The following NHSL1 variants were observed in gnomAD, a reference collection of about 807,000 sequenced individuals.
NHSL1 encodes NHS like 1.
A neutral mutation model predicts 95.0 loss-of-function variants in NHSL1; 48 were observed. That is an observed-to-expected ratio of 0.51 (90% confidence interval 0.40 to 0.64). NHSL1 has a LOEUF of 0.64. Ranked by LOEUF, NHSL1 falls within the 30% of genes least tolerant of loss-of-function variation. The probability of loss-of-function intolerance (pLI) is 0.00; values close to 1 mark genes in which losing one functional copy is unlikely to be tolerated. For missense variants in NHSL1, 1,971 were observed against 2,077.7 expected (o/e 0.95, Z 1.00); for synonymous variants, 783 against 833.9 (o/e 0.94, Z 1.05).
intron 1 of NHSL1, among the ~76,000 whole-genome samples, chr6:138,560,370 G>A (rs984825709): frequency 2.0e-5 from 3 of 152,114 alleles, no homozygotes; most frequent in Non-Finnish European, 2.9e-5. Flanking sequence ...AATGAGACAC[G>A]GTGGCTTAAA....
At chr6:138,656,698 G>A (rs574160419) in intron 1 of NHSL1, among the ~76,000 whole-genome samples, 3 of 152,272 alleles carry the variant, frequency 2.0e-5, no homozygotes, top group South Asian at 2.1e-4. Flanking sequence ...GGTTGTCCTC[G>A]TAGGATAATT....
rs1314180687 is a variant in NHSL1 at position 138,442,080 on chromosome 6, C to G, written c.567G>C (p.Arg189=). The part of the protein sequence containing the change: ...ENFDRQASLR[R]SLIYTDTLVR... ...CCAGAGTGTCTGTGTAAATTAGAGACCGCCGAAGGCTGGCCTGGCGATCGA... is the reference window on the plus strand; with the variant it reads ...CCAGAGTGTCTGTGTAAATTAGAGAGCGCCGAAGGCTGGCCTGGCGATCGA... Residue 189 remains arginine (R), a synonymous_variant, in exon 5 of 8, where the codon CGG becomes CGC. Transcript: ENST00000343505. The G allele has an allele frequency of 3.2e-6, 5 of 1,550,868 alleles. No individual in the cohort carries two copies. The highest frequency in any genetic ancestry group is 4.4e-6 in the Non-Finnish European group (5 of 1,146,726).
rs764922261 is a variant in NHSL1, at chr6:138,432,721, A to G, written c.1624T>C (p.Ser542Pro). The G allele has an allele frequency of 2.3e-5, 36 of 1,551,472 alleles. No individual in the cohort carries two copies. The highest frequency in any genetic ancestry group is 3.1e-5 in the Non-Finnish European group (35 of 1,146,948). ...GAGCTGCTGTGCCCTCCGCCCCCTG[A>G]ATAACTAGATTCACTCTTGCCATCC... Reference protein sequence around the residue: ...DVDGKSESSYSGGGGHSSSEP... With the variant: ...DVDGKSESSYPGGGGHSSSEP... Residue 542 changes from serine to proline, a missense_variant, in exon 6 of 8, where the codon TCA becomes CCA. By Grantham distance (74) the Ser-to-Pro change is moderately conservative. Around this residue, in one of 3 missense-constraint regions of NHSL1, gnomAD observed 1,602 missense variants for 1,654.5 expected, o/e 0.97. Coordinates refer to ENST00000343505, the MANE Select transcript of NHSL1 (RefSeq NM_001144060.2). The surrounding 1 kb of genome is among the most constrained non-coding windows in gnomAD (Gnocchi z 4.4).
At chr6:138,440,538 C>A (rs765539965) in intron 5 of NHSL1, among the ~76,000 whole-genome samples, 2 of 151,836 alleles carry the variant, frequency 1.3e-5, no homozygotes, top group Admixed American at 6.5e-5. Flanking sequence ...CACCTGTATA[C>A]CATCTGGGTC....
At chr6:138,564,977 A>T (rs1783554760) in intron 1 of NHSL1, among the ~76,000 whole-genome samples, 2 of 152,184 alleles carry the variant, frequency 1.3e-5, no homozygotes, top group Admixed American at 1.3e-4. Flanking sequence ...ATGAGTCTGT[A>T]TGCTAGTTCT....
chr6:138,558,488 A>G (rs1422268395), intron 1 of NHSL1, among the ~76,000 whole-genome samples: 4 of 144,674 alleles, frequency 2.8e-5, no homozygotes, highest in Admixed American at 2.1e-4. Context: ...CAGTGGCACA[A>G]TCTCAGCTCA....
intron 1 of NHSL1, among the ~76,000 whole-genome samples, chr6:138,593,479 G>A (rs957221291): frequency 6.6e-6 from 1 of 152,210 alleles, no homozygotes; most frequent in Non-Finnish European, 1.5e-5. Context: ...ACGCACTTAG[G>A]AATTATGACT....
At chr6:138,502,078 G>C (rs1231461023), upstream of NHSL1, among the ~76,000 whole-genome samples, 2 of 152,118 alleles carry the variant, frequency 1.3e-5, no homozygotes, top group African/African-American at 2.4e-5. Flanking sequence ...TGGTAAACCT[G>C]GGGGAGAATG....
chr6:138,647,366 TC>T (rs1785033092), intron 1 of NHSL1, among the ~76,000 whole-genome samples: 1 of 152,228 alleles, frequency 6.6e-6, no homozygotes, highest in Non-Finnish European at 1.5e-5. Context: ...ATCAGATCTG[TC>T]TACAAAACAA....
intron 1 of NHSL1, among the ~76,000 whole-genome samples, chr6:138,658,246 C>T (rs1342248384): frequency 6.6e-6 from 1 of 152,214 alleles, no homozygotes; most frequent in Non-Finnish European, 1.5e-5. Flanking sequence ...TAACAAATTT[C>T]ATACATTATC....
chr6:138,461,774 G>A (rs947834557), intron 3 of NHSL1, among the ~76,000 whole-genome samples: 1 of 152,098 alleles, frequency 6.6e-6, no homozygotes, highest in Non-Finnish European at 1.5e-5. Flanking sequence ...AAATTTGAGG[G>A]GGATGAAAGG....
intron 3 of NHSL1, among the ~76,000 whole-genome samples, chr6:138,449,667 C>A (rs1163037984): frequency 3.5e-4 from 52 of 150,244 alleles, no homozygotes; most frequent in African/African-American, 1.5e-4. Context: ...CAGATCGAGA[C>A]TCTGTCTCAA....
In NHSL1 at chr6:138,422,583, A is replaced by C. The variant is rs1324027707; in HGVS notation, c.*1498T>G. Reference sequence around the variant, plus strand: ...CCTAGGTCCTTCTAATGAAGAAGACAATACTCTAGTTTATTTAACAAATAA... The same window carrying C: ...CCTAGGTCCTTCTAATGAAGAAGACCATACTCTAGTTTATTTAACAAATAA... On this transcript the variant is annotated 3_prime_UTR_variant, in exon 8 of 8. Coordinates refer to ENST00000343505, the MANE Select transcript of NHSL1 (RefSeq NM_001144060.2). 2 of 152,216 alleles carry C rather than the reference A, an allele frequency of 1.3e-5. No individual in the cohort carries two copies. Among genetic ancestry groups the C allele is most frequent in the Non-Finnish European group, 2.9e-5 (2 of 68,052 alleles). 9.4% of individuals were successfully genotyped at this position (152,216 alleles called of 1,614,324 possible).
At chr6:138,676,937 T>C (rs769832591) in intron 1 of NHSL1, among the ~76,000 whole-genome samples, 2 of 152,224 alleles carry the variant, frequency 1.3e-5, no homozygotes, top group Non-Finnish European at 2.9e-5. Context: ...ATTACAGGCG[T>C]GAGCCACTGC....
In NHSL1 at chr6:138,423,110, A is replaced by AG. The variant is rs1306934401; in HGVS notation, c.*970_*971insC. 1 of 151,692 alleles carries AG rather than the reference A, an allele frequency of 6.6e-6. No homozygotes were observed. Among genetic ancestry groups the AG allele is most frequent in the South Asian group, 2.1e-4 (1 of 4,808 alleles). The allele number at this position is 151,692 out of a possible 1,614,324, so 9.4% of individuals were successfully genotyped here. A position where few individuals can be genotyped will look rare whatever the true frequency, so the allele number is the denominator to read the frequency against. On this transcript the variant is annotated 3_prime_UTR_variant, in exon 8 of 8. Transcript: ENST00000343505. The stretch of plus-strand genomic sequence containing the variant: ...AACTCTGGTTAAAAAAAAAAAAAAA[A>AG]AAAAACTGTTGTAAAAGGAAAAGCT...
chr6:138,541,032 C>G (rs1039583193), intron 1 of NHSL1, among the ~76,000 whole-genome samples: 1 of 152,058 alleles, frequency 6.6e-6, no homozygotes, highest in African/African-American at 2.4e-5. Flanking sequence ...GAAATTATTC[C>G]TGGGGCACAG....
intron 2 of NHSL1, among the ~76,000 whole-genome samples, chr6:138,494,729 AG>A (rs1243139837): frequency 6.6e-6 from 1 of 152,226 alleles, no homozygotes; most frequent in Non-Finnish European, 1.5e-5. Context: ...ATTACATTTC[AG>A]ATAAATAACA....
At chr6:138,573,035 G>A (rs532559026), upstream of NHSL1, among the ~76,000 whole-genome samples, 2 of 152,276 alleles carry the variant, frequency 1.3e-5, no homozygotes, top group South Asian at 4.1e-4. Context: ...TGTCACTCCT[G>A]CCTGTCACCA....
rs142088744 is a variant in NHSL1, at chr6:138,584,076, A to C, written c.97-87705T>G. 1.9e-3 allele frequency among the ~76,000 whole-genome samples: 293 copies of C among 152,308 alleles called. 3 individuals are homozygous for C. Among genetic ancestry groups the C allele is most frequent in the East Asian group, 0.014 (71 of 5,188 alleles). ...TGAGGCTGCAGTGAGTTATGAATGC[A>C]CCACTGCACTCCAGCCTGGGCAACA... On this transcript the variant is annotated intron_variant, in intron 1 of 3. Transcript: ENST00000491526.
Sources: allele counts gnomAD v4.1 joint callset (sites outside exome capture counted in the v4.1 genomes callset), GRCh38; gene constraint gnomAD v4.1.1; regional missense constraint gnomAD v4.1.1; non-coding constraint Gnocchi (gnomAD v3.1); transcripts MANE v1.5; gene names NCBI Gene and HGNC (gene_info 2026-07-23, HGNC 2026-07-21).